Variants in HIVEP1 observed in about 807,000 individuals in gnomAD.
The protein encoded by HIVEP1 is HIVEP zinc finger 1.
HIVEP1 carries 36 observed loss-of-function variants against 180.0 expected under a neutral mutation model. The ratio of observed to expected loss-of-function variants is 0.20; its 90% CI spans 0.15 to 0.26. The LOEUF is 0.26. Among genes scored for constraint, HIVEP1 ranks in the 10% least tolerant of loss-of-function variants. The pLI, the probability that HIVEP1 is intolerant of heterozygous loss-of-function variation, is 1.00. For missense variants in HIVEP1, 3,143 were observed against 3,268.7 expected (o/e 0.96, Z 0.94); for synonymous variants, 1,239 against 1,239.0 (o/e 1.00, Z 0.00).
chr6:12,090,689 G>A (rs1296307692), intron 3 of HIVEP1, among the ~76,000 whole-genome samples: 1 of 147,704 alleles, frequency 6.8e-6, no homozygotes, highest in Non-Finnish European at 1.5e-5. Flanking sequence ...AGACACTCAG[G>A]TTATAAGAGG....
intron 2 of HIVEP1, among the ~76,000 whole-genome samples, chr6:12,036,964 G>A (rs573799776): frequency 6.6e-6 from 1 of 152,192 alleles, no homozygotes; most frequent in Non-Finnish European, 1.5e-5. Flanking sequence ...TGGTGTGGAG[G>A]CTGGGTCTTG....
the HIVEP1 span, among the ~76,000 whole-genome samples, chr6:12,208,266 G>A: frequency 6.6e-6 from 1 of 152,130 alleles, no homozygotes; most frequent in Non-Finnish European, 1.5e-5. Context: ...GAAAAGATTG[G>A]TGATGACTTT....
At position 12,161,573 on chromosome 6, in the gene HIVEP1, T is replaced by A; in HGVS notation, c.6622T>A (p.Ser2208Thr). The A allele has an allele frequency of 1.9e-6, 3 of 1,614,110 alleles. No individual in the cohort carries two copies. The South Asian group carries it at 3.3e-5, about 18-fold the overall frequency. The stretch of plus-strand genomic sequence containing the variant: ...TGAATCAGTCCTGTCAGCCACACCC[T>A]CAGTCACAGCTAGCCCGCAGCACCT... ...QAESVLSATP[S>T]VTASPQHLPS... Residue 2208 changes from serine (S) to threonine (T), a missense_variant, in exon 8 of 9, where the codon TCA (serine) becomes ACA (threonine). Physicochemically the swap from Ser to Thr is moderately conservative, Grantham distance 58. Around this residue, in one of 12 missense-constraint regions of HIVEP1, gnomAD observed 126 missense variants for 168.5 expected, o/e 0.75. Coordinates refer to ENST00000379388, the MANE Select transcript of HIVEP1 (RefSeq NM_002114.4).
chr6:12,062,857 A>G (rs1771330003), intron 2 of HIVEP1, among the ~76,000 whole-genome samples: 1 of 152,206 alleles, frequency 6.6e-6, no homozygotes, highest in Non-Finnish European at 1.5e-5. Flanking sequence ...GTAGTCTGGC[A>G]TAGTGGGAAA....
chr6:12,083,252 A>G (rs994950835), intron 2 of HIVEP1, among the ~76,000 whole-genome samples: 1 of 152,196 alleles, frequency 6.6e-6, no homozygotes, highest in Admixed American at 6.6e-5. Flanking sequence ...TTTTCCATCA[A>G]TAAATATTTT....
At chr6:12,110,740 G>A (rs1419210398) in intron 3 of HIVEP1, among the ~76,000 whole-genome samples, 2 of 152,194 alleles carry the variant, frequency 1.3e-5, no homozygotes, top group Admixed American at 6.5e-5. Context: ...GGTGTTTCCT[G>A]GAGTAGCACT....
At chr6:12,184,953 T>TAC in the HIVEP1 span, among the ~76,000 whole-genome samples, 2 of 152,206 alleles carry the variant, frequency 1.3e-5, no homozygotes, top group African/African-American at 4.8e-5. Context: ...CATACATGTG[T>TAC]ACACACACAC....
intron 2 of HIVEP1, among the ~76,000 whole-genome samples, chr6:12,072,259 G>T (rs1210522786): frequency 6.6e-6 from 1 of 152,148 alleles, no homozygotes; most frequent in African/African-American, 2.4e-5. Context: ...ATATTGGCAA[G>T]AAATTGTCTC....
chr6:12,051,983 TG>T (rs1035405872), intron 2 of HIVEP1, among the ~76,000 whole-genome samples: 6 of 152,200 alleles, frequency 3.9e-5, no homozygotes, highest in African/African-American at 7.2e-5. Flanking sequence ...ACATACTGTG[TG>T]GGGGGACTTT....
intron 2 of HIVEP1, among the ~76,000 whole-genome samples, chr6:12,028,952 A>G (rs1214727338): frequency 6.6e-6 from 1 of 152,212 alleles, no homozygotes; most frequent in African/African-American, 2.4e-5. Context: ...AAGTAGAATC[A>G]TACAGTATAT....
At chr6:12,207,617 G>T in the HIVEP1 span, among the ~76,000 whole-genome samples, 5 of 152,104 alleles carry the variant, frequency 3.3e-5, no homozygotes, top group African/African-American at 1.2e-4. Flanking sequence ...AATTAATCTA[G>T]ATTTGGCGGG....
intron 2 of HIVEP1, among the ~76,000 whole-genome samples, chr6:12,066,664 A>G (rs1305576130): frequency 6.6e-6 from 1 of 152,226 alleles, no homozygotes; most frequent in Non-Finnish European, 1.5e-5. Flanking sequence ...TGCTTAGATT[A>G]TGAAGATTTA....
chr6:12,111,478 G>A (rs946510080), intron 3 of HIVEP1, among the ~76,000 whole-genome samples: 2 of 152,216 alleles, frequency 1.3e-5, no homozygotes, highest in Admixed American at 1.3e-4. Context: ...TCTGTCTTCT[G>A]GAGGCTCCAG....
In HIVEP1 at chr6:12,059,269, C is replaced by A. The variant is rs534887841; in HGVS notation, c.41-29915C>A. Among the ~76,000 whole-genome samples the A allele has an allele frequency of 1.6e-4, 25 of 152,272 alleles. 1 individual carries two copies. The highest frequency in any genetic ancestry group is 3.2e-4 in the Non-Finnish European group (22 of 68,032). ...GCCAGGCTGGTCTCCAACTCCTGAC[C>A]TCAAGTGATCCACCTGCCTCGGCCT... On this transcript the variant is annotated intron_variant, in intron 2 of 8. Coordinates refer to ENST00000379388, the MANE Select transcript of HIVEP1 (RefSeq NM_002114.4).
intron 7 of HIVEP1, among the ~76,000 whole-genome samples, chr6:12,136,305 C>A (rs1758701787): frequency 6.6e-6 from 1 of 152,108 alleles, no homozygotes; most frequent in African/African-American, 2.4e-5. Flanking sequence ...TCGCTCTTCA[C>A]CTTTACACCC....
At chr6:12,072,416 C>T (rs1212996468) in intron 2 of HIVEP1, among the ~76,000 whole-genome samples, 1 of 152,022 alleles carries the variant, frequency 6.6e-6, no homozygotes, top group Non-Finnish European at 1.5e-5. Flanking sequence ...CCCTCCCTTT[C>T]CTCATCTCTA....
At chr6:12,119,824 C>CA (rs1775448981) in intron 3 of HIVEP1, 66 bp from the exon 4 acceptor site, 2 of 1,043,762 alleles carry the variant, frequency 1.9e-6, no homozygotes, top group South Asian at 1.8e-5. Context: ...TCTTAATTTT[C>CA]AAAAAATTAT....
chr6:12,137,772 TA>T (rs902313124), intron 7 of HIVEP1, among the ~76,000 whole-genome samples: 7 of 152,208 alleles, frequency 4.6e-5, no homozygotes, highest in Non-Finnish European at 1.0e-4. Context: ...GCTTGCAGTG[TA>T]AGTTTAAATA....
downstream of HIVEP1, among the ~76,000 whole-genome samples, chr6:12,168,211 C>CGTGT (rs1760796274): frequency 8.4e-5 from 7 of 83,822 alleles, no homozygotes; most frequent in Middle Eastern, 9.1e-3. Flanking sequence ...TACATATATA[C>CGTGT]ATATATACAT....
Sources: gnomAD v4.1 joint callset for allele counts (sites outside exome capture counted in the v4.1 genomes callset) on GRCh38, gnomAD v4.1.1 for gene constraint, gnomAD v4.1.1 regional missense constraint, MANE v1.5 for transcripts, NCBI Gene and HGNC (gene_info 2026-07-23, HGNC 2026-07-21) for gene names.